The following CAPN1 variants were observed in gnomAD, a reference collection of about 807,000 sequenced individuals.
CAPN1 encodes the protein calpain 1.
CAPN1 carries 77 observed loss-of-function variants against 105.2 expected under a neutral mutation model. The ratio of observed to expected loss-of-function variants is 0.73; its 90% CI spans 0.61 to 0.88. The LOEUF (loss-of-function observed/expected upper bound fraction) is 0.88, where lower values mean the gene tolerates loss of function less well. Ranked by LOEUF, CAPN1 falls within the 40% of genes least tolerant of loss-of-function variation. The probability of loss-of-function intolerance (pLI) is 0.00; values close to 1 mark genes in which losing one functional copy is unlikely to be tolerated. For synonymous variants in CAPN1, 355 were observed against 388.8 expected (o/e 0.91, Z 1.02); for missense variants, 833 against 976.6 (o/e 0.85, Z 1.96).
intron 4 of CAPN1, 148 bp from the exon 5 acceptor site, chr11:65,185,769 A>G: frequency 1.3e-6 from 1 of 758,904 alleles, no homozygotes; most frequent in Non-Finnish European, 2.1e-6. Context: ...GTATACATCT[A>G]GTATGTATCT....
At chr11:65,204,953 C>T in intron 11 of CAPN1, 95 bp downstream of exon 11, 1 of 1,025,382 alleles carries the variant, frequency 9.8e-7, no homozygotes, top group Middle Eastern at 2.8e-4. Flanking sequence ...CAGGGGGCGC[C>T]AGGGACCATG....
Position 65,210,142 on chromosome 11 carries a change from G to A in CAPN1, c.1942+46G>A, listed in dbSNP as rs749602841. On this transcript the variant is annotated intron_variant, in intron 19 of 21. Coordinates refer to ENST00000279247, the MANE Select transcript of CAPN1 (RefSeq NM_005186.4). This position sits in a 1 kb window ranked among gnomAD's most constrained non-coding sequence, Gnocchi z 4.3. ...GCACCTGTGGGGCCCAGGACAGGTA[G>A]CCCCACTGCTCCTATGCCCCAGGCC... is the stretch of plus-strand genomic sequence containing the variant. The A allele has an allele frequency of 6.7e-6, 10 of 1,491,888 alleles. No individual in the cohort carries two copies. The highest frequency in any genetic ancestry group is 9.3e-6 in the Non-Finnish European group (10 of 1,070,562). 92.4% of individuals were successfully genotyped at this position (1,491,888 alleles called of 1,614,324 possible). A position where few individuals can be genotyped will look rare whatever the true frequency, so the allele number is the denominator to read the frequency against.
At chr11:65,204,608 G>A in intron 10 of CAPN1, 75 bp from the exon 11 acceptor site, 2 of 1,309,938 alleles carry the variant, frequency 1.5e-6, no homozygotes, top group Non-Finnish European at 2.2e-6. Context: ...GCACAGGGAC[G>A]TGCTGAGGAG....
At chr11:65,182,364 G>C (rs1948550610) in intron 1 of CAPN1, 2 of 258,850 alleles carry the variant, frequency 7.7e-6, no homozygotes, top group African/African-American at 4.4e-5. Flanking sequence ...GGCCTTCCCT[G>C]CTGTGTCCCA....
chr11:65,183,008 A>G, intron 2 of CAPN1, 40 bp downstream of exon 2: 1 of 1,611,838 alleles, frequency 6.2e-7, no homozygotes, highest in South Asian at 1.1e-5. Flanking sequence ...GCTAAGCCAG[A>G]TCCTGGATGA....
chr11:65,188,581 C>A lies in CAPN1; in HGVS notation c.1005-5C>A, dbSNP rs768136634. 1.2e-6 allele frequency: 2 copies of A among 1,614,020 alleles called. No homozygotes were observed. The highest frequency in any genetic ancestry group is 3.3e-5 in the Admixed American group (2 of 60,032). Reference sequence around the variant, plus strand: ...TGTGCCTCACCTGTGTACCTCCCACCTCAGGATGTCATTCCGAGACTTCAT... The same window carrying A: ...TGTGCCTCACCTGTGTACCTCCCACATCAGGATGTCATTCCGAGACTTCAT... On this transcript the variant is annotated splice_region_variant and splice_polypyrimidine_tract_variant and intron_variant, in intron 9 of 21. Transcript: ENST00000279247. This position sits in a 1 kb window ranked among gnomAD's most constrained non-coding sequence, Gnocchi z 5.5.
Position 65,204,878 on chromosome 11 carries a change from G to C in CAPN1, c.1341+20G>C. 6.3e-7 allele frequency: 1 copy of C among 1,591,434 alleles called. No individual in the cohort carries two copies. The highest frequency in any genetic ancestry group is 2.3e-5 in the East Asian group (1 of 44,306). Reference sequence around the variant, plus strand: ...TACGAGGTCAGGAGGGTGGATCACCGGTGGATCTCACTGAGCAGGCAGAGG... The same window carrying C: ...TACGAGGTCAGGAGGGTGGATCACCCGTGGATCTCACTGAGCAGGCAGAGG... On this transcript the variant is annotated intron_variant, in intron 11 of 21. Coordinates refer to ENST00000279247, the MANE Select transcript of CAPN1 (RefSeq NM_005186.4).
chr11:65,196,788 TA>T (rs1047852763), intron 10 of CAPN1, among the ~76,000 whole-genome samples: 1 of 152,280 alleles, frequency 6.6e-6, no homozygotes, highest in African/African-American at 2.4e-5. Flanking sequence ...TTTCTCATAG[TA>T]AAAAAATGTG....
chr11:65,206,707 C>T, intron 13 of CAPN1, 33 bp downstream of exon 13: 3 of 1,610,356 alleles, frequency 1.9e-6, no homozygotes, highest in Middle Eastern at 1.7e-4. Flanking sequence ...CCACTCTCCC[C>T]TCTCCCAGCC....
At chr11:65,197,538 A>G (rs1287230021) in intron 10 of CAPN1, among the ~76,000 whole-genome samples, 1 of 152,128 alleles carries the variant, frequency 6.6e-6, no homozygotes, top group African/African-American at 2.4e-5. Flanking sequence ...CTATAGCCCA[A>G]TGTTTTGTTT....
intron 3 of CAPN1, 43 bp from the exon 4 acceptor site, chr11:65,183,431 G>A (rs1225304147): frequency 1.4e-6 from 2 of 1,467,502 alleles, no homozygotes; most frequent in Non-Finnish European, 1.9e-6. Flanking sequence ...CCCCCCCGGG[G>A]CAGGTTGGTA....
Position 65,206,597 on chromosome 11 carries a change from G to A in CAPN1, c.1488G>A (p.Val496=). The change falls in exon 13 of 22, where the codon GTG becomes GTA. Residue 496 remains valine, a synonymous_variant. Transcript: ENST00000279247. ...RFRLPPGEYV[V]VPSTFEPNKE... ...GCCTGCCACCCGGGGAGTATGTGGT[G>A]GTGCCCTCCACCTTCGAGCCCAACA... is the stretch of plus-strand genomic sequence containing the variant. The A allele has an allele frequency of 1.2e-6, 2 of 1,613,452 alleles. No individual in the cohort carries two copies. Among genetic ancestry groups the A allele is most frequent in the Non-Finnish European group, 1.7e-6 (2 of 1,179,888 alleles).
At chr11:65,184,790 A>T (rs1948608339) in intron 4 of CAPN1, among the ~76,000 whole-genome samples, 1 of 151,880 alleles carries the variant, frequency 6.6e-6, no homozygotes, top group Non-Finnish European at 1.5e-5. Context: ...GAGCTTTTCC[A>T]CCTCTCCGTG....
intron 10 of CAPN1, among the ~76,000 whole-genome samples, chr11:65,193,314 A>T (rs1455633625): frequency 6.6e-6 from 1 of 151,962 alleles, no homozygotes; most frequent in Non-Finnish European, 1.5e-5. Context: ...GTGTATAATA[A>T]TGTCCCCTTT....
In CAPN1 at chr11:65,211,496, C is replaced by CCCGGGA; in HGVS notation, c.*210_*211insCCGGGA. ...GGCCCCTGCCTGTGCCAGCCATGGG[C>CCCGGGA]TCGGGATGGACTCCCTGGGCCCCAC... On this transcript the variant is annotated 3_prime_UTR_variant, in exon 22 of 22. Transcript: ENST00000279247. 1 of 593,430 alleles carries CCCGGGA rather than the reference C, an allele frequency of 1.7e-6. No individual in the cohort carries two copies. Among genetic ancestry groups the CCCGGGA allele is most frequent in the Admixed American group, 2.7e-5 (1 of 37,560 alleles). 36.8% of individuals were successfully genotyped at this position (593,430 alleles called of 1,614,324 possible).
In CAPN1 at chr11:65,210,258, C is replaced by G. The variant is rs750676244; in HGVS notation, c.1943-78C>G. On this transcript the variant is annotated intron_variant, in intron 19 of 21. Coordinates refer to ENST00000279247, the MANE Select transcript of CAPN1 (RefSeq NM_005186.4). This position sits in a 1 kb window ranked among gnomAD's most constrained non-coding sequence, Gnocchi z 4.3. ...GCACCCTGCCTAGCCCCAGCCCCCT[C>G]CTGGGGACCCAACCCCTCCCCCATC... is the stretch of plus-strand genomic sequence containing the variant. 13 of 1,207,944 alleles carry G rather than the reference C, an allele frequency of 1.1e-5. No homozygotes were observed. Among genetic ancestry groups the G allele is most frequent in the Non-Finnish European group, 1.6e-5 (13 of 827,340 alleles). 74.8% of individuals were successfully genotyped at this position (1,207,944 alleles called of 1,614,324 possible).
At chr11:65,198,983 C>G (rs1291216107) in intron 10 of CAPN1, among the ~76,000 whole-genome samples, 1 of 152,152 alleles carries the variant, frequency 6.6e-6, no homozygotes, top group Non-Finnish European at 1.5e-5. Flanking sequence ...TCTAGGTGTG[C>G]ACCACCACAT....
At chr11:65,194,799 A>G (rs1948768964) in intron 10 of CAPN1, among the ~76,000 whole-genome samples, 1 of 152,120 alleles carries the variant, frequency 6.6e-6, no homozygotes, top group Non-Finnish European at 1.5e-5. Context: ...TGTTATTTCC[A>G]GTTTTTGGCT....
At chr11:65,184,466 C>T (rs1436408876) in intron 4 of CAPN1, among the ~76,000 whole-genome samples, 1 of 152,052 alleles carries the variant, frequency 6.6e-6, no homozygotes, top group Non-Finnish European at 1.5e-5. Context: ...CTCCTAGGGC[C>T]GCCTCCACCC....
Sources: gnomAD v4.1 joint callset for allele counts (sites outside exome capture counted in the v4.1 genomes callset) on GRCh38, gnomAD v4.1.1 for gene constraint, Gnocchi (gnomAD v3.1) non-coding constraint, MANE v1.5 for transcripts, NCBI Gene and HGNC (gene_info 2026-07-23, HGNC 2026-07-21) for gene names.